The following CHRNA5 variants were observed in gnomAD, a reference collection of about 807,000 sequenced individuals.
The protein encoded by CHRNA5 is cholinergic receptor nicotinic alpha 5 subunit, also known as neuronal acetylcholine receptor subunit alpha-5.
A neutral mutation model predicts 41.2 loss-of-function variants in CHRNA5; 28 were observed. That is an observed-to-expected ratio of 0.68 (90% CI 0.50 to 0.93). CHRNA5 has a LOEUF of 0.93. CHRNA5 is among the 40% of genes least tolerant of loss of function. CHRNA5 has a pLI of 0.00. For synonymous variants in CHRNA5, 188 were observed against 205.8 expected (o/e 0.91, Z 0.74); for missense variants, 481 against 581.9 (o/e 0.83, Z 1.78).
exon 6 of CHRNA5, chr15:78,594,179 TCTGTAGCTTAGCTTCCA>T (rs1467407334): frequency 6.6e-6 from 1 of 152,254 alleles, no homozygotes; most frequent in African/African-American, 2.4e-5. Flanking sequence ...GTTAACTATT[TCTGTAGCTTAGCTTCCA>T]CTGTAAAGTC....
chr15:78,595,253 A>T (rs2053083127), exon 6 of CHRNA5: 14 of 977,936 alleles, frequency 1.4e-5, no homozygotes, highest in African/African-American at 1.8e-5. Context: ...ATTTTTATAT[A>T]TAAATTTTTA....
At chr15:78,593,254 A>G in exon 6 of CHRNA5, 2 of 1,608,820 alleles carry the variant, frequency 1.2e-6, no homozygotes, top group South Asian at 2.2e-5. Context: ...AAATAAGTGA[A>G]GCCTCCCAAG....
chr15:78,592,124 C>A (rs535038999), intron 5 of CHRNA5, among the ~76,000 whole-genome samples: 248 of 152,132 alleles, frequency 1.6e-3, no homozygotes, highest in Non-Finnish European at 2.7e-3. Context: ...GAGTTTGAGA[C>A]CAGCCTGGCC....
chr15:78,592,795 T>C (rs1034740963), intron 5 of CHRNA5, among the ~76,000 whole-genome samples: 6 of 152,206 alleles, frequency 3.9e-5, no homozygotes, highest in Non-Finnish European at 7.4e-5. Context: ...AATAATTTTT[T>C]TTAGTTTATT....
At chr15:78,583,412 G>A (rs972445700) in intron 2 of CHRNA5, among the ~76,000 whole-genome samples, 6 of 152,170 alleles carry the variant, frequency 3.9e-5, no homozygotes, top group African/African-American at 1.4e-4. Context: ...AAATACTGTC[G>A]GCCGGGCACA....
At chr15:78,569,366 A>G (rs1379619720) in intron 1 of CHRNA5, among the ~76,000 whole-genome samples, 1 of 152,024 alleles carries the variant, frequency 6.6e-6, no homozygotes, top group Non-Finnish European at 1.5e-5. Flanking sequence ...GAATTAAATT[A>G]TCAGATGATA....
At chr15:78,565,810 G>A in exon 1 of CHRNA5, 1 of 1,222,120 alleles carries the variant, frequency 8.2e-7, no homozygotes, top group Non-Finnish European at 1.0e-6. Context: ...GGGCGCGGCG[G>A]GCGGCGCGCA....
intron 5 of CHRNA5, among the ~76,000 whole-genome samples, chr15:78,592,005 GTTGGTT>G (rs898025828): frequency 5.9e-5 from 9 of 152,324 alleles, no homozygotes; most frequent in African/African-American, 1.9e-4. Context: ...GACCAAGGAG[GTTGGTT>G]TTATTTTCAG....
exon 6 of CHRNA5, chr15:78,593,246 A>G (rs200454752): frequency 3.1e-6 from 5 of 1,609,688 alleles, no homozygotes; most frequent in East Asian, 2.2e-5. Flanking sequence ...GGAAATGCAA[A>G]TAAGTGAAGC....
intron 2 of CHRNA5, among the ~76,000 whole-genome samples, chr15:78,584,325 C>CT (rs1477288365): frequency 6.6e-6 from 1 of 152,018 alleles, no homozygotes; most frequent in Non-Finnish European, 1.5e-5. Flanking sequence ...AAGATAAAAT[C>CT]TTTTTATAAA....
intron 1 of CHRNA5, among the ~76,000 whole-genome samples, chr15:78,576,833 C>T (rs930959108): frequency 3.3e-5 from 5 of 151,482 alleles, no homozygotes; most frequent in African/African-American, 9.7e-5. Context: ...CAATTACTGT[C>T]ATCAGCCTAT....
At chr15:78,575,269 A>C (rs539698387) in intron 1 of CHRNA5, among the ~76,000 whole-genome samples, 5 of 152,320 alleles carry the variant, frequency 3.3e-5, no homozygotes, top group African/African-American at 1.2e-4. Flanking sequence ...TAAATATATA[A>C]AAGTGTTAGT....
exon 6 of CHRNA5, chr15:78,595,191 T>G (rs1441434682): frequency 1.5e-6 from 1 of 672,490 alleles, no homozygotes; most frequent in Non-Finnish European, 1.8e-6. Context: ...CTACCTACCT[T>G]AGTTCGTATA....
rs79696852 is a variant in CHRNA5, at chr15:78,591,755, A to ATAAG, written c.1245+1121_1245+1124dup. ...GGGGAACATGTGTTTGGTCACATGC[A>ATAAG]TAAGTTCTTTCATGCTGATTTCTGA... is the stretch of plus-strand genomic sequence containing the variant. On this transcript the variant is annotated intron_variant, in intron 5 of 5. Coordinates refer to ENST00000299565, the Ensembl canonical transcript of CHRNA5. 5.7e-3 allele frequency among the ~76,000 whole-genome samples: 869 copies of ATAAG among 152,314 alleles called. 6 individuals carry two copies. The highest frequency in any genetic ancestry group is 9.2e-3 in the Non-Finnish European group (626 of 68,032).
chr15:78,586,894 C>T (rs1596062882), intron 3 of CHRNA5, among the ~76,000 whole-genome samples: 1 of 152,046 alleles, frequency 6.6e-6, no homozygotes, highest in South Asian at 2.1e-4. Context: ...TTTTGGAGTG[C>T]CTATTGTGTG....
intron 1 of CHRNA5, among the ~76,000 whole-genome samples, chr15:78,566,579 A>G (rs1283967912): frequency 1.3e-5 from 2 of 152,250 alleles, no homozygotes; most frequent in East Asian, 1.9e-4. Context: ...ATCTAAACGT[A>G]GAAAAGCTAA....
exon 6 of CHRNA5, chr15:78,594,823 TTA>T (rs1251062019): frequency 6.6e-6 from 1 of 152,262 alleles, no homozygotes; most frequent in Non-Finnish European, 1.5e-5. Flanking sequence ...TAATAGAATC[TTA>T]GAGTTGCAAG....
chr15:78,570,325 C>A (rs2052790309), intron 1 of CHRNA5, among the ~76,000 whole-genome samples: 1 of 150,784 alleles, frequency 6.6e-6, no homozygotes, highest in African/African-American at 2.4e-5. Context: ...GTGGCGTGAT[C>A]TTGGCTCACT....
exon 1 of CHRNA5, chr15:78,565,652 C>A: frequency 2.1e-6 from 1 of 478,466 alleles, no homozygotes; most frequent in Non-Finnish European, 2.9e-6. Flanking sequence ...CTCCATTCCC[C>A]AAGAGTTCGC....
Sources: gnomAD v4.1 joint callset for allele counts (sites outside exome capture counted in the v4.1 genomes callset) on GRCh38, gnomAD v4.1.1 for gene constraint, MANE v1.5 for transcripts, NCBI Gene and HGNC (gene_info 2026-07-23, HGNC 2026-07-21) for gene names.